The following RNF217 variants were observed in gnomAD, a reference collection of about 807,000 sequenced individuals.
RNF217 encodes the protein ring finger protein 217, also known as E3 ubiquitin-protein ligase RNF217.
RNF217 carries 31 observed loss-of-function variants against 57.8 expected under a neutral mutation model. The ratio of observed to expected loss-of-function variants is 0.54; its 90% CI spans 0.40 to 0.72. RNF217 has a LOEUF of 0.72. Among genes scored for constraint, RNF217 ranks in the 30% least tolerant of loss-of-function variants. The probability of loss-of-function intolerance (pLI) is 0.00; values close to 1 mark genes in which losing one functional copy is unlikely to be tolerated. For missense variants in RNF217, 696 were observed against 708.3 expected (o/e 0.98, Z 0.20); for synonymous variants, 313 against 294.0 (o/e 1.06, Z -0.66).
In RNF217 at chr6:125,064,791, T is replaced by G. The variant is rs180851875; in HGVS notation, c.1281+6685T>G. On this transcript the variant is annotated intron_variant, in intron 3 of 5. Coordinates refer to ENST00000521654, the MANE Select transcript of RNF217 (RefSeq NM_001286398.3). ...TTTTATATGTATATCACATGTCATC[T>G]ATACTTGTATGTATATACACATACA... is the stretch of plus-strand genomic sequence containing the variant. Among the ~76,000 whole-genome samples the G allele has an allele frequency of 7.4e-3, 1,132 of 152,272 alleles. 7 individuals carry two copies. The highest frequency in any genetic ancestry group is 0.018 in the South Asian group (86 of 4,828).
At chr6:124,990,332 A>G (rs113570629) in intron 1 of RNF217, among the ~76,000 whole-genome samples, 4,550 of 152,288 alleles carry the variant, frequency 0.03, 95 homozygotes, top group South Asian at 0.05. Flanking sequence ...TGTATCTGCC[A>G]CTGGCTTTCT....
chr6:124,972,395 T>G (rs916836902), intron 1 of RNF217, among the ~76,000 whole-genome samples: 7 of 152,136 alleles, frequency 4.6e-5, no homozygotes, highest in African/African-American at 7.2e-5. Context: ...TCTCTCCAAC[T>G]TACTCTCCAC....
intron 1 of RNF217, among the ~76,000 whole-genome samples, chr6:124,967,251 A>C (rs1268249029): frequency 1.3e-5 from 2 of 152,204 alleles, no homozygotes; most frequent in African/African-American, 4.8e-5. Flanking sequence ...CACATCCCTT[A>C]ACCCTCCTAA....
intron 1 of RNF217, among the ~76,000 whole-genome samples, chr6:125,042,560 A>G (rs2114521813): frequency 6.6e-6 from 1 of 152,230 alleles, no homozygotes; most frequent in East Asian, 1.9e-4. Flanking sequence ...GAGAGTATGA[A>G]AGCAAGAGGA....
chr6:124,992,631 G>A (rs554867298), intron 1 of RNF217, among the ~76,000 whole-genome samples: 1 of 152,274 alleles, frequency 6.6e-6, no homozygotes, highest in East Asian at 1.9e-4. Context: ...GTTTCAGAAT[G>A]TGGATTTGAT....
chr6:124,987,243 A>G (rs772063577), intron 1 of RNF217, among the ~76,000 whole-genome samples: 3 of 152,234 alleles, frequency 2.0e-5, no homozygotes, highest in Non-Finnish European at 4.4e-5. Flanking sequence ...CACATATCGT[A>G]TAGTTCACAT....
At chr6:124,978,556 C>T (rs1186831357) in intron 1 of RNF217, among the ~76,000 whole-genome samples, 1 of 152,038 alleles carries the variant, frequency 6.6e-6, no homozygotes, top group African/African-American at 2.4e-5. Context: ...AATGTTACAG[C>T]TCTTCAATCC....
intron 3 of RNF217, among the ~76,000 whole-genome samples, chr6:125,061,453 T>C (rs1787729792): frequency 6.6e-6 from 1 of 151,868 alleles, no homozygotes; most frequent in Admixed American, 6.6e-5. Context: ...AATGCCCCCT[T>C]TTAAAATTTT....
chr6:125,071,486 G>A (rs1431204099), intron 3 of RNF217, among the ~76,000 whole-genome samples: 2 of 2,180 alleles, frequency 9.2e-4, no homozygotes, highest in Non-Finnish European at 1.7e-3. Flanking sequence ...GCCTACATAT[G>A]TGTGTGTGTG....
At chr6:124,977,000 T>C (rs1783991878) in intron 1 of RNF217, among the ~76,000 whole-genome samples, 1 of 152,240 alleles carries the variant, frequency 6.6e-6, no homozygotes, top group Non-Finnish European at 1.5e-5. Context: ...TTTTTTTGTT[T>C]GTTCTCAAGA....
chr6:125,040,857 C>G (rs541686054), intron 1 of RNF217, among the ~76,000 whole-genome samples: 2 of 152,270 alleles, frequency 1.3e-5, no homozygotes, highest in Admixed American at 1.3e-4. Context: ...ACATGATTAT[C>G]TCAATAGATG....
At chr6:125,062,110 C>A (rs1165073538) in intron 3 of RNF217, among the ~76,000 whole-genome samples, 1 of 152,002 alleles carries the variant, frequency 6.6e-6, no homozygotes, top group Non-Finnish European at 1.5e-5. Context: ...TCTGTACTTA[C>A]ACTGGTGAGT....
chr6:125,075,915 G>A (rs1788348990), intron 3 of RNF217, among the ~76,000 whole-genome samples: 1 of 152,030 alleles, frequency 6.6e-6, no homozygotes, highest in East Asian at 1.9e-4. Flanking sequence ...GTTATATATG[G>A]TGTATGTATA....
intron 1 of RNF217, among the ~76,000 whole-genome samples, chr6:124,977,807 C>A (rs1784021583): frequency 6.6e-6 from 1 of 152,084 alleles, no homozygotes; most frequent in African/African-American, 2.4e-5. Context: ...AATCTCATCA[C>A]CTCTTCTGAA....
At chr6:125,040,862 T>A (rs1406507244) in intron 1 of RNF217, among the ~76,000 whole-genome samples, 7 of 152,170 alleles carry the variant, frequency 4.6e-5, no homozygotes, top group African/African-American at 1.7e-4. Context: ...ATTATCTCAA[T>A]AGATGCAGAA....
chr6:124,969,454 G>A (rs1049743651), intron 1 of RNF217, among the ~76,000 whole-genome samples: 1 of 152,098 alleles, frequency 6.6e-6, no homozygotes, highest in Non-Finnish European at 1.5e-5. Flanking sequence ...AATTCAATGT[G>A]TATGGGAGAA....
intron 1 of RNF217, among the ~76,000 whole-genome samples, chr6:125,003,929 A>T (rs937594995): frequency 1.3e-5 from 2 of 152,190 alleles, no homozygotes; most frequent in Non-Finnish European, 2.9e-5. Flanking sequence ...GGAACTCAGA[A>T]CTAATTGATC....
chr6:125,038,997 C>T (rs1428818608), intron 1 of RNF217, among the ~76,000 whole-genome samples: 1 of 151,964 alleles, frequency 6.6e-6, no homozygotes, highest in Non-Finnish European at 1.5e-5. Context: ...TCCACCCCAT[C>T]CCCTGACAAG....
At chr6:124,984,541 C>CAAAAAAAAAAAAAAAAAAAA (rs750251821) in intron 1 of RNF217, among the ~76,000 whole-genome samples, 1 of 74,232 alleles carries the variant, frequency 1.3e-5, no homozygotes, top group African/African-American at 4.6e-5. Context: ...GACCCTTTCT[C>CAAAAAAAAAAAAAAAAAAAA]AAAAAAAAAA....
Sources: gnomAD v4.1 joint callset for allele counts (sites outside exome capture counted in the v4.1 genomes callset) on GRCh38, gnomAD v4.1.1 for gene constraint, MANE v1.5 for transcripts, NCBI Gene and HGNC (gene_info 2026-07-23, HGNC 2026-07-21) for gene names.